Variants in SLC9A9 observed in about 807,000 individuals in gnomAD.
SLC9A9 encodes the protein sodium/hydrogen exchanger 9.
SLC9A9 carries 62 observed loss-of-function variants against 77.8 expected under a neutral mutation model. That is an observed-to-expected ratio of 0.80 (90% CI 0.65 to 0.98). SLC9A9 has a LOEUF of 0.98. Ranked by LOEUF, SLC9A9 falls within the 50% of genes least tolerant of loss-of-function variation. The pLI, the probability that SLC9A9 is intolerant of heterozygous loss-of-function variation, is 0.00. For synonymous variants in SLC9A9, 320 were observed against 283.5 expected (o/e 1.13, Z -1.29); for missense variants, 775 against 774.9 (o/e 1.00, Z 0.00).
chr3:143,609,872 G>C (rs911945952), intron 6 of SLC9A9, among the ~76,000 whole-genome samples: 3 of 151,778 alleles, frequency 2.0e-5, no homozygotes, highest in African/African-American at 7.3e-5. Flanking sequence ...TGGACATTTA[G>C]GTTGCTTTTA....
rs191778511 is a variant in SLC9A9 at position 143,708,589 on chromosome 3, C to G, written c.534-15282G>C. Among the ~76,000 whole-genome samples the G allele has an allele frequency of 3.9e-5, 6 of 152,346 alleles. No individual in the cohort carries two copies. The East Asian group carries it at 1.2e-3, about 29-fold the overall frequency. On this transcript the variant is annotated intron_variant, in intron 4 of 15. Transcript: ENST00000316549. ...TTCTCTCAACCTGTATCCCCAGTCT[C>G]TATTCACTGACCAGTTTGTAAAGCT...
intron 6 of SLC9A9, among the ~76,000 whole-genome samples, chr3:143,619,557 G>A (rs997973931): frequency 4.6e-5 from 7 of 152,154 alleles, no homozygotes; most frequent in South Asian, 4.2e-4. Context: ...AATGATTTGC[G>A]TTGCCCTAGA....
chr3:143,595,835 GT>G (rs2037742499), intron 6 of SLC9A9, among the ~76,000 whole-genome samples: 1 of 152,194 alleles, frequency 6.6e-6, no homozygotes, highest in Non-Finnish European at 1.5e-5. Flanking sequence ...CAGTTGCTTG[GT>G]TAGTTTAAAT....
chr3:143,588,256 G>C (rs945770999), intron 6 of SLC9A9, among the ~76,000 whole-genome samples: 1 of 152,118 alleles, frequency 6.6e-6, no homozygotes, highest in Non-Finnish European at 1.5e-5. Context: ...TCATTGACTT[G>C]CTATCTATTT....
intron 4 of SLC9A9, among the ~76,000 whole-genome samples, chr3:143,728,477 G>C (rs1365482260): frequency 6.6e-6 from 1 of 152,180 alleles, no homozygotes; most frequent in African/African-American, 2.4e-5. Context: ...AAGTGGGCAA[G>C]GGGTGAGAGG....
At chr3:143,520,610 A>G (rs775897707) in intron 9 of SLC9A9, among the ~76,000 whole-genome samples, 20 of 152,206 alleles carry the variant, frequency 1.3e-4, no homozygotes, top group Non-Finnish European at 2.4e-4. Context: ...AATTATCACA[A>G]TAATTCCATT....
rs144205403 is a variant in SLC9A9 at position 143,835,353 on chromosome 3, T to A, written c.176-3132A>T. ...GAAGAAACAACATCTTGCTAGATGG[T>A]AAGAGCCAGTGTGAAAAATCTCAGC... On this transcript the variant is annotated intron_variant, in intron 1 of 15. Transcript: ENST00000316549. Among the ~76,000 whole-genome samples, 30 of 152,356 alleles carry A rather than the reference T, an allele frequency of 2.0e-4. No homozygotes were observed. The East Asian group carries it at 5.8e-3, about 29-fold the overall frequency.
At chr3:143,785,845 C>CTTTTTTTTTTTTTT (rs57552730) in intron 4 of SLC9A9, among the ~76,000 whole-genome samples, 3 of 113,006 alleles carry the variant, frequency 2.7e-5, no homozygotes, top group Non-Finnish European at 5.7e-5. Flanking sequence ...TTGAATTTTT[C>CTTTTTTTTTTTTTT]TTTTTTTTTT....
intron 6 of SLC9A9, among the ~76,000 whole-genome samples, chr3:143,597,419 A>G (rs2037774545): frequency 6.6e-6 from 1 of 152,198 alleles, no homozygotes; most frequent in Non-Finnish European, 1.5e-5. Context: ...GTTTGTGCTC[A>G]AAGAGAGAAA....
intron 6 of SLC9A9, among the ~76,000 whole-genome samples, chr3:143,633,830 T>C (rs1313294603): frequency 1.3e-5 from 2 of 152,240 alleles, no homozygotes; most frequent in Non-Finnish European, 2.9e-5. Flanking sequence ...TTCCAATGTT[T>C]TTGTAGTTTT....
At chr3:143,538,455 G>T (rs527266273) in intron 9 of SLC9A9, among the ~76,000 whole-genome samples, 1 of 152,308 alleles carries the variant, frequency 6.6e-6, no homozygotes, top group Admixed American at 6.5e-5. Flanking sequence ...GGATCACTAT[G>T]ACACCAGCCT....
At chr3:143,300,074 C>A (rs2030454175) in intron 14 of SLC9A9, among the ~76,000 whole-genome samples, 1 of 152,166 alleles carries the variant, frequency 6.6e-6, no homozygotes, top group African/African-American at 2.4e-5. Context: ...GCACTTGTAG[C>A]CCATTTGGAA....
At chr3:143,472,597 A>G (rs1473749126) in intron 11 of SLC9A9, among the ~76,000 whole-genome samples, 1 of 152,160 alleles carries the variant, frequency 6.6e-6, no homozygotes, top group African/African-American at 2.4e-5. Flanking sequence ...TATTCCTAAC[A>G]CAATCCCTGT....
intron 11 of SLC9A9, among the ~76,000 whole-genome samples, chr3:143,493,262 C>T (rs146183898): frequency 2.6e-5 from 4 of 152,260 alleles, no homozygotes; most frequent in Non-Finnish European, 5.9e-5. Flanking sequence ...GGAGAAGGAA[C>T]ACTGGATAAG....
In SLC9A9 at chr3:143,521,791, T is replaced by C. The variant is rs1034199063; in HGVS notation, c.1090-26343A>G. 3.9e-5 allele frequency among the ~76,000 whole-genome samples: 6 copies of C among 152,144 alleles called. No individual in the cohort carries two copies. The East Asian group carries it at 9.6e-4, about 24-fold the overall frequency. On this transcript the variant is annotated intron_variant, in intron 9 of 15. Coordinates refer to ENST00000316549, the MANE Select transcript of SLC9A9 (RefSeq NM_173653.4). ...CTTTATTTGAATAATTCATTTCTTATGTTTTTGTTTTCATCTTTCATTTCT... is the reference window on the plus strand; with the variant it reads ...CTTTATTTGAATAATTCATTTCTTACGTTTTTGTTTTCATCTTTCATTTCT...
intron 13 of SLC9A9, among the ~76,000 whole-genome samples, chr3:143,374,641 A>T (rs1206323884): frequency 6.6e-6 from 1 of 151,700 alleles, no homozygotes; most frequent in African/African-American, 2.4e-5. Context: ...TTTCAAAACA[A>T]TTTTTTTGTG....
chr3:143,574,084 T>TG lies in SLC9A9; in HGVS notation c.1000+3dup. 1 of 1,612,496 alleles carries TG rather than the reference T, an allele frequency of 6.2e-7. No homozygotes were observed. Among genetic ancestry groups the TG allele is most frequent in the Non-Finnish European group, 8.5e-7 (1 of 1,178,898 alleles). Reference sequence around the variant, plus strand: ...CAGTTGGCTGTGCAGCATGAAGCACTGACCTGTTAGGCCGGCAGCCTCGGC... The same window carrying TG: ...CAGTTGGCTGTGCAGCATGAAGCACTGGACCTGTTAGGCCGGCAGCCTCGGC... On this transcript the variant is annotated splice_donor_region_variant and intron_variant, in intron 8 of 15. Transcript: ENST00000316549.
At chr3:143,766,690 C>T (rs1457933156) in intron 4 of SLC9A9, among the ~76,000 whole-genome samples, 1 of 152,140 alleles carries the variant, frequency 6.6e-6, no homozygotes, top group Non-Finnish European at 1.5e-5. Context: ...CTGCCTCAGC[C>T]TTCTGAATAG....
chr3:143,281,855 C>A (rs1476082731), intron 14 of SLC9A9, among the ~76,000 whole-genome samples: 6 of 152,228 alleles, frequency 3.9e-5, no homozygotes, highest in Non-Finnish European at 5.9e-5. Context: ...TTGCTAGATA[C>A]TAGAACTGCA....
Sources: gnomAD v4.1 joint callset for allele counts (sites outside exome capture counted in the v4.1 genomes callset) on GRCh38, gnomAD v4.1.1 for gene constraint, MANE v1.5 for transcripts, NCBI Gene and HGNC (gene_info 2026-07-23, HGNC 2026-07-21) for gene names.